The following LONP1 variants were observed in gnomAD, a reference collection of about 807,000 sequenced individuals.
The protein encoded by LONP1 is lon peptidase 1, mitochondrial.
Under a neutral mutation model 98.5 loss-of-function variants are expected in LONP1, and 31 were observed. The ratio of observed to expected loss-of-function variants is 0.31; its 90% confidence interval spans 0.24 to 0.42. LONP1 has a LOEUF of 0.42. Among genes scored for constraint, LONP1 ranks in the 20% least tolerant of loss-of-function variants. LONP1 has a pLI of 1.00. For missense variants in LONP1, 1,336 were observed against 1,350.6 expected (o/e 0.99, Z 0.17); for synonymous variants, 781 against 594.7 (o/e 1.31, Z -4.56).
chr19:5,704,806 G>A (rs1017328583), intron 8 of LONP1, among the ~76,000 whole-genome samples: 3 of 152,216 alleles, frequency 2.0e-5, no homozygotes, highest in African/African-American at 7.2e-5. Flanking sequence ...TCTCGAAGGG[G>A]CAACAGAAGC....
intron 10 of LONP1, among the ~76,000 whole-genome samples, chr19:5,697,623 G>A (rs1481172972): frequency 3.3e-5 from 5 of 151,156 alleles, no homozygotes; most frequent in South Asian, 2.1e-4. Context: ...CAGGTCATGC[G>A]GGGTCCTGTG....
intron 4 of LONP1, among the ~76,000 whole-genome samples, 195 bp downstream of exon 4, chr19:5,711,576 C>T (rs2055237215): frequency 6.6e-6 from 1 of 152,184 alleles, no homozygotes. Context: ...TGTGCCTCTC[C>T]CATCCCAGAG....
intron 1 of LONP1, chr19:5,717,553 G>T (rs964248082): frequency 1.3e-5 from 2 of 152,266 alleles, no homozygotes; most frequent in Non-Finnish European, 2.9e-5. Flanking sequence ...GGAGCAAGGG[G>T]CATCTGTCGC....
intron 9 of LONP1, among the ~76,000 whole-genome samples, chr19:5,699,970 C>G (rs144125560): frequency 1.2e-3 from 177 of 152,158 alleles, no homozygotes; most frequent in Non-Finnish European, 1.9e-3. Flanking sequence ...GACAAGGTCT[C>G]GCTCTGTCAC....
At chr19:5,720,251 A>C (rs1256058309), upstream of LONP1, 2 of 1,336,458 alleles carry the variant, frequency 1.5e-6, no homozygotes, top group African/African-American at 3.1e-5. Context: ...CAGCCGCTTC[A>C]GGGAGCTGGG....
intron 10 of LONP1, among the ~76,000 whole-genome samples, chr19:5,697,605 G>A (rs2054962113): frequency 7.0e-6 from 1 of 143,222 alleles, no homozygotes; most frequent in East Asian, 2.3e-4. Flanking sequence ...AGAGAGGAGG[G>A]GGTGGGGCAG....
rs368430036 is a variant in LONP1, at chr19:5,692,005, C to A, written c.*27G>T. ...TTCTGGCCCAGACAGGGCCTGACAT[C>A]CGCCGCCTGCAGTCCCGGGGTGGCC... On this transcript the variant is annotated 3_prime_UTR_variant, in exon 18 of 18. Coordinates refer to ENST00000360614, the MANE Select transcript of LONP1 (RefSeq NM_004793.4). 20 of 1,597,096 alleles carry A rather than the reference C, an allele frequency of 1.3e-5. No homozygotes were observed. The African/African-American group carries it at 2.4e-4, about 19-fold the overall frequency.
intron 8 of LONP1, among the ~76,000 whole-genome samples, chr19:5,704,986 C>A (rs1211611173): frequency 6.6e-6 from 1 of 151,968 alleles, no homozygotes; most frequent in Non-Finnish European, 1.5e-5. Flanking sequence ...CATGGCAAAA[C>A]CCCATCTCTA....
intron 17 of LONP1, among the ~76,000 whole-genome samples, chr19:5,692,959 C>T (rs996258663): frequency 6.6e-6 from 1 of 152,082 alleles, no homozygotes; most frequent in African/African-American, 2.4e-5. Context: ...AGCCCCTGGC[C>T]AGGGGCTCCA....
At chr19:5,697,918 C>T (rs1421790879) in intron 10 of LONP1, among the ~76,000 whole-genome samples, 1 of 152,076 alleles carries the variant, frequency 6.6e-6, no homozygotes, top group Non-Finnish European at 1.5e-5. Flanking sequence ...CTGAACCAGG[C>T]TCCAAGAGGC....
At chr19:5,694,711 G>A (rs772877850) in intron 14 of LONP1, 50 bp downstream of exon 14, 1 of 1,573,912 alleles carries the variant, frequency 6.4e-7, no homozygotes, top group Non-Finnish European at 8.7e-7. Context: ...TGATCAGCGT[G>A]GGATGGTGAG....
intron 4 of LONP1, among the ~76,000 whole-genome samples, chr19:5,711,260 C>T (rs1346760050): frequency 1.3e-5 from 2 of 152,240 alleles, no homozygotes; most frequent in East Asian, 3.8e-4. Context: ...CTTTGGTTAG[C>T]TTCGCTGACT....
chr19:5,702,076 G>C (rs565416179), intron 8 of LONP1, among the ~76,000 whole-genome samples: 2 of 141,236 alleles, frequency 1.4e-5, no homozygotes, highest in Non-Finnish European at 3.1e-5. Flanking sequence ...GGAGGGAGGT[G>C]GGGGGGTCAG....
chr19:5,696,025 G>C (rs1366148458), intron 13 of LONP1, 29 bp downstream of exon 13: 6 of 1,592,746 alleles, frequency 3.8e-6, no homozygotes, highest in Non-Finnish European at 5.1e-6. Context: ...TCTGGGAAGG[G>C]GACAGCAGTG....
intron 17 of LONP1, 126 bp downstream of exon 17, chr19:5,693,172 A>T: frequency 5.9e-6 from 7 of 1,187,228 alleles, no homozygotes; most frequent in Non-Finnish European, 5.8e-6. Context: ...GGCCAGAGAG[A>T]CCTGCTTCCA....
At position 5,719,829 on chromosome 19, in the gene LONP1, C is replaced by T; in HGVS notation, c.304G>A (p.Gly102Ser). Residue 102 changes from glycine to serine, a missense_variant, in exon 1 of 18, where the codon GGC becomes AGC. Physicochemically the swap from Gly to Ser is moderately conservative, Grantham distance 56. Coordinates refer to ENST00000360614, the MANE Select transcript of LONP1 (RefSeq NM_004793.4). ...GTTATGACCGGGCCTTCCCCGGCGC[C>T]CGCGCTGCCCCCCGCGCCGCCGGCT... ...EGAGGAGGSA[G>S]AGEGPVITAL... 2 of 1,609,698 alleles carry T rather than the reference C, an allele frequency of 1.2e-6. No homozygotes were observed. Among genetic ancestry groups the T allele is most frequent in the African/African-American group, 1.3e-5 (1 of 74,842 alleles).
At position 5,698,765 on chromosome 19, in the gene LONP1, G is replaced by C. The variant is rs66909636; in HGVS notation, c.1685+262C>G. On this transcript the variant is annotated intron_variant, in intron 10 of 17. Coordinates refer to ENST00000360614, the MANE Select transcript of LONP1 (RefSeq NM_004793.4). ...AGGTCCTATGCTGGAACTACCGGGG[G>C]TGTCTGCTGAGGGCCGGCCCGAGAA... Among the ~76,000 whole-genome samples the C allele has an allele frequency of 0.21, 31,584 of 152,238 alleles. 3,470 individuals are homozygous for C. Among genetic ancestry groups the C allele is most frequent in the Middle Eastern group, 0.33 (96 of 294 alleles).
chr19:5,712,985 C>T, intron 3 of LONP1, 149 bp downstream of exon 3: 2 of 1,064,730 alleles, frequency 1.9e-6, no homozygotes, highest in Non-Finnish European at 2.8e-6. Context: ...ATGTCTCACT[C>T]TCACCCCCAG....
At chr19:5,698,575 C>T (rs10427024) in intron 10 of LONP1, among the ~76,000 whole-genome samples, 5,472 of 152,264 alleles carry the variant, frequency 0.036, 368 homozygotes, top group African/African-American at 0.12. Context: ...CTGGTGTGCG[C>T]GGCCCGGTCC....
Sources: gnomAD v4.1 joint callset for allele counts (sites outside exome capture counted in the v4.1 genomes callset) on GRCh38, gnomAD v4.1.1 for gene constraint, MANE v1.5 for transcripts, NCBI Gene and HGNC (gene_info 2026-07-23, HGNC 2026-07-21) for gene names.